The following OLA1 variants were observed in gnomAD, a reference collection of about 807,000 sequenced individuals.
The protein encoded by OLA1 is Obg like ATPase 1.
A neutral mutation model predicts 48.4 loss-of-function variants in OLA1; 14 were observed. The observed-to-expected ratio is 0.29, with a 90% CI of 0.19 to 0.45. The LOEUF (loss-of-function observed/expected upper bound fraction) is 0.45. Among genes scored for constraint, OLA1 ranks in the 20% least tolerant of loss-of-function variants. The probability of loss-of-function intolerance (pLI) is 1.00; values close to 1 mark genes in which losing one functional copy is unlikely to be tolerated. For missense variants in OLA1, 325 were observed against 467.1 expected, an observed-to-expected ratio of 0.70 and a Z score of 2.80; for synonymous variants, 127 against 150.4, an observed-to-expected ratio of 0.84 and a Z score of 1.14.
chr2:174,162,671 C>T (rs1687040317), intron 4 of OLA1, among the ~76,000 whole-genome samples: 1 of 152,122 alleles, frequency 6.6e-6, no homozygotes, highest in African/African-American at 2.4e-5. Context: ...ACAAAATACA[C>T]ATAATTATTT....
chr2:174,094,066 G>A (rs186920730), intron 7 of OLA1, among the ~76,000 whole-genome samples: 1 of 152,354 alleles, frequency 6.6e-6, no homozygotes. Context: ...AGAGGATGCT[G>A]AGACTAGAGA....
intron 4 of OLA1, among the ~76,000 whole-genome samples, chr2:174,159,237 A>G (rs755470664): frequency 1.3e-5 from 2 of 152,228 alleles, no homozygotes; most frequent in Non-Finnish European, 2.9e-5. Context: ...TTGGACTGAA[A>G]GTTTTATGAT....
intron 9 of OLA1, 132 bp downstream of exon 9, chr2:174,081,020 G>T: frequency 1.4e-6 from 1 of 711,232 alleles, no homozygotes; most frequent in Non-Finnish European, 2.4e-6. Context: ...AATAATTAAA[G>T]TTATCCTGGA....
chr2:174,168,307 T>G (rs1687214244), intron 4 of OLA1, among the ~76,000 whole-genome samples: 1 of 152,088 alleles, frequency 6.6e-6, no homozygotes, highest in South Asian at 2.1e-4. Context: ...GACCAGCTAA[T>G]GACAAACTGA....
intron 4 of OLA1, among the ~76,000 whole-genome samples, chr2:174,204,077 G>A: frequency 6.6e-6 from 1 of 150,828 alleles, no homozygotes. Flanking sequence ...ACAGGTGTGA[G>A]CCACTGTGCC....
At chr2:174,179,600 G>C (rs993357627) in intron 4 of OLA1, among the ~76,000 whole-genome samples, 1 of 151,896 alleles carries the variant, frequency 6.6e-6, no homozygotes, top group Non-Finnish European at 1.5e-5. Context: ...ATATCTACTG[G>C]ATAACAATAT....
At chr2:174,144,947 AAAAAAT>A (rs1470277480) in intron 4 of OLA1, among the ~76,000 whole-genome samples, 1 of 64,814 alleles carries the variant, frequency 1.5e-5, no homozygotes, top group African/African-American at 4.9e-5. Context: ...AAAAAAAAAA[AAAAAAT>A]ATATATATAT....
chr2:174,247,548 A>G, intron 1 of OLA1: 1 of 1,450,748 alleles, frequency 6.9e-7, no homozygotes, highest in Non-Finnish European at 9.3e-7. Flanking sequence ...GTCAAAGAAA[A>G]TTCCATTGTG....
At chr2:174,133,343 T>A (rs1293277802) in intron 5 of OLA1, among the ~76,000 whole-genome samples, 1 of 152,174 alleles carries the variant, frequency 6.6e-6, no homozygotes, top group East Asian at 1.9e-4. Flanking sequence ...TTATTAGTGC[T>A]TTTTGTTTTG....
chr2:174,217,300 C>G (rs1297049887), intron 4 of OLA1, among the ~76,000 whole-genome samples: 1 of 152,044 alleles, frequency 6.6e-6, no homozygotes, highest in East Asian at 1.9e-4. Context: ...CTGGGCTCAA[C>G]TAATCCACTC....
At chr2:174,153,436 G>A (rs1686792502) in intron 4 of OLA1, among the ~76,000 whole-genome samples, 1 of 152,032 alleles carries the variant, frequency 6.6e-6, no homozygotes, top group African/African-American at 2.4e-5. Context: ...ATTAAAATTG[G>A]AGCTTATATT....
intron 4 of OLA1, among the ~76,000 whole-genome samples, chr2:174,182,271 T>A (rs959258908): frequency 3.9e-5 from 6 of 152,188 alleles, no homozygotes; most frequent in African/African-American, 1.4e-4. Context: ...ACGCCTGTAA[T>A]CCCAGCACTT....
chr2:174,099,716 T>G (rs1254397066), intron 7 of OLA1, among the ~76,000 whole-genome samples: 3 of 152,214 alleles, frequency 2.0e-5, no homozygotes, highest in African/African-American at 7.2e-5. Flanking sequence ...CAAAATAATT[T>G]TATTAATGAC....
At chr2:174,126,778 GA>G (rs891690183) in intron 5 of OLA1, among the ~76,000 whole-genome samples, 8 of 152,160 alleles carry the variant, frequency 5.3e-5, no homozygotes, top group African/African-American at 1.9e-4. Flanking sequence ...TATGATTGCT[GA>G]AAGATTAAAT....
Position 174,075,453 on chromosome 2 carries a change from G to A in OLA1, c.1164C>T (p.Asn388=), listed in dbSNP as rs760930262. ...ATTTCTTCTTCGGTTGTTGAGGTGT[G>A]TTAAATTTGAAGAAGATAATATCTC... The part of the protein sequence containing the change: ...EDGDIIFFKF[N]TPQQPKKK Residue 388 remains asparagine, a synonymous_variant, in exon 11 of 11, where the codon AAC becomes AAT. Transcript: ENST00000284719. 2 of 1,604,002 alleles carry A rather than the reference G, an allele frequency of 1.2e-6. No homozygotes were observed. The highest frequency in any genetic ancestry group is 1.7e-6 in the Non-Finnish European group (2 of 1,171,738).
intron 4 of OLA1, among the ~76,000 whole-genome samples, chr2:174,159,017 T>C (rs1044249851): frequency 6.6e-6 from 1 of 152,232 alleles, no homozygotes; most frequent in Non-Finnish European, 1.5e-5. Flanking sequence ...ACCACTACAC[T>C]TAGTTACAGG....
intron 7 of OLA1, among the ~76,000 whole-genome samples, chr2:174,106,053 G>A (rs1475881078): frequency 6.6e-6 from 1 of 151,752 alleles, no homozygotes; most frequent in African/African-American, 2.4e-5. Context: ...CTATTAAAAT[G>A]GTAATTTCTA....
At chr2:174,109,390 G>C (rs1232007968) in intron 7 of OLA1, among the ~76,000 whole-genome samples, 1 of 151,816 alleles carries the variant, frequency 6.6e-6, no homozygotes, top group Non-Finnish European at 1.5e-5. Flanking sequence ...CTTAATAATA[G>C]ATTTTAAAAA....
At chr2:174,225,785 C>T (rs1279932615) in intron 3 of OLA1, among the ~76,000 whole-genome samples, 1 of 152,164 alleles carries the variant, frequency 6.6e-6, no homozygotes, top group Non-Finnish European at 1.5e-5. Context: ...TTCTGGTTGA[C>T]ATAACTATAA....
Sources: gnomAD v4.1 joint callset for allele counts (sites outside exome capture counted in the v4.1 genomes callset) on GRCh38, gnomAD v4.1.1 for gene constraint, MANE v1.5 for transcripts, NCBI Gene and HGNC (gene_info 2026-07-23, HGNC 2026-07-21) for gene names.